The following C8orf34 variants were observed in gnomAD, a reference collection of about 807,000 sequenced individuals.
The protein encoded by C8orf34 is chromosome 8 open reading frame 34.
A neutral mutation model predicts 68.3 loss-of-function variants in C8orf34; 65 were observed. The ratio of observed to expected loss-of-function variants is 0.95; its 90% CI spans 0.78 to 1.17. The LOEUF (loss-of-function observed/expected upper bound fraction) is 1.17, where lower values mean the gene tolerates loss of function less well. C8orf34 is among the 50% of genes most tolerant of loss of function. The pLI, the probability that C8orf34 is intolerant of heterozygous loss-of-function variation, is 0.00. For synonymous variants in C8orf34, 244 were observed against 241.2 expected (o/e 1.01, Z -0.11); for missense variants, 664 against 655.4 (o/e 1.01, Z -0.14).
At chr8:68,776,082 G>A (rs544959264) in intron 10 of C8orf34, among the ~76,000 whole-genome samples, 2 of 152,278 alleles carry the variant, frequency 1.3e-5, no homozygotes, top group South Asian at 2.1e-4. Context: ...GGGTTGATGG[G>A]TGCAGCAAAC....
intron 3 of C8orf34, among the ~76,000 whole-genome samples, chr8:68,460,108 A>G (rs35082708): frequency 0.64 from 96,845 of 151,986 alleles, 30,928 homozygotes; most frequent in East Asian, 0.68. Context: ...TTTTCCGACA[A>G]GCTTAAAAAA....
intron 2 of C8orf34, among the ~76,000 whole-genome samples, chr8:68,443,035 A>AAC (rs1310392253): frequency 6.6e-6 from 1 of 152,210 alleles, no homozygotes; most frequent in Non-Finnish European, 1.5e-5. Context: ...TCATAGAAGC[A>AAC]ACACTGAACC....
chr8:68,392,859 C>A (rs990528507), intron 1 of C8orf34, among the ~76,000 whole-genome samples: 1 of 152,008 alleles, frequency 6.6e-6, no homozygotes, highest in Non-Finnish European at 1.5e-5. Context: ...GTAATAAAGG[C>A]TATGTTTTGG....
chr8:68,796,822 CTTTTTTTTTTTTTT>C (rs372049123), intron 12 of C8orf34, among the ~76,000 whole-genome samples: 1 of 122,876 alleles, frequency 8.1e-6, no homozygotes, highest in Admixed American at 8.4e-5. Flanking sequence ...TTGAGTTCTT[CTTTTTTTTTTTTTT>C]TTTTTTTTGA....
At chr8:68,768,247 G>A (rs1203837313) in intron 10 of C8orf34, among the ~76,000 whole-genome samples, 1 of 152,142 alleles carries the variant, frequency 6.6e-6, no homozygotes, top group African/African-American at 2.4e-5. Context: ...TTGCTATTGG[G>A]TGGTACAGGA....
intron 10 of C8orf34, among the ~76,000 whole-genome samples, chr8:68,726,617 A>G (rs140853693): frequency 7.8e-4 from 118 of 152,246 alleles, no homozygotes; most frequent in African/African-American, 2.6e-3. Context: ...TGCTGCTGAT[A>G]AAAACATATC....
chr8:68,560,829 T>G (rs1816401168), intron 7 of C8orf34, among the ~76,000 whole-genome samples: 1 of 152,126 alleles, frequency 6.6e-6, no homozygotes, highest in Non-Finnish European at 1.5e-5. Context: ...CGTGAAGGCC[T>G]AGGACATCAC....
At chr8:68,715,096 C>T (rs1024763592) in intron 9 of C8orf34, among the ~76,000 whole-genome samples, 28 of 152,088 alleles carry the variant, frequency 1.8e-4, no homozygotes, top group Non-Finnish European at 4.1e-4. Context: ...AAACTGGATC[C>T]TCATCTCTCA....
chr8:68,448,841 A>G (rs1227892787), intron 3 of C8orf34, among the ~76,000 whole-genome samples: 2 of 152,068 alleles, frequency 1.3e-5, no homozygotes, highest in Non-Finnish European at 2.9e-5. Context: ...AACAAAAAGA[A>G]GCCTATATGG....
chr8:68,793,578 A>G (rs1328167375), intron 12 of C8orf34, among the ~76,000 whole-genome samples: 2 of 152,154 alleles, frequency 1.3e-5, no homozygotes, highest in Admixed American at 6.5e-5. Flanking sequence ...AAAACCAAAC[A>G]CCAAGTGTTC....
In C8orf34 at chr8:68,713,990, T is replaced by C. The variant is rs142616123; in HGVS notation, c.1327+4911T>C. ...AGGGATGCAGGGATGGTTTAACATA[T>C]GCAAGTCAATAAATATAGCATACCA... is the stretch of plus-strand genomic sequence containing the variant. On this transcript the variant is annotated intron_variant, in intron 9 of 13. Coordinates refer to ENST00000518698, the MANE Select transcript of C8orf34 (RefSeq NM_052958.4). Among the ~76,000 whole-genome samples, 17 of 152,186 alleles carry C rather than the reference T, an allele frequency of 1.1e-4. No homozygotes were observed. In the East Asian group the frequency reaches 2.5e-3, roughly 23 times the overall value.
At chr8:68,373,293 C>A (rs1280623436) in intron 1 of C8orf34, among the ~76,000 whole-genome samples, 1 of 152,174 alleles carries the variant, frequency 6.6e-6, no homozygotes, top group East Asian at 1.9e-4. Context: ...TTGCTCCTGG[C>A]CAGAAATGGT....
At chr8:68,580,929 C>T (rs1051489817) in intron 7 of C8orf34, among the ~76,000 whole-genome samples, 1 of 152,040 alleles carries the variant, frequency 6.6e-6, no homozygotes, top group African/African-American at 2.4e-5. Flanking sequence ...TGGTAGATTA[C>T]TCAAGGTTCA....
At chr8:68,670,853 C>A (rs1402868903) in intron 8 of C8orf34, among the ~76,000 whole-genome samples, 1 of 152,160 alleles carries the variant, frequency 6.6e-6, no homozygotes, top group Non-Finnish European at 1.5e-5. Context: ...TTTCACCCTG[C>A]CCCTAAGGCA....
At chr8:68,707,315 C>T (rs1346004995) in intron 8 of C8orf34, among the ~76,000 whole-genome samples, 2 of 152,164 alleles carry the variant, frequency 1.3e-5, no homozygotes, top group East Asian at 1.9e-4. Flanking sequence ...GACGAGCCAG[C>T]TGCAAGGCCA....
intron 10 of C8orf34, among the ~76,000 whole-genome samples, chr8:68,764,419 T>C (rs148338794): frequency 6.8e-4 from 104 of 152,274 alleles, no homozygotes; most frequent in Non-Finnish European, 1.2e-3. Flanking sequence ...GTCAACAATG[T>C]AGGAGAGAGC....
chr8:68,704,593 G>C (rs1821111778), intron 8 of C8orf34, among the ~76,000 whole-genome samples: 1 of 151,966 alleles, frequency 6.6e-6, no homozygotes. Flanking sequence ...TGTGAGTCAA[G>C]GATTATTTTG....
chr8:68,343,016 T>C (rs1037112770), intron 1 of C8orf34, among the ~76,000 whole-genome samples: 12 of 152,178 alleles, frequency 7.9e-5, no homozygotes, highest in African/African-American at 2.7e-4. Context: ...TGGTACTGTA[T>C]ATAGTTTCAG....
intron 8 of C8orf34, among the ~76,000 whole-genome samples, chr8:68,643,008 G>A (rs564869684): frequency 2.6e-5 from 4 of 152,242 alleles, no homozygotes; most frequent in African/African-American, 9.6e-5. Flanking sequence ...CTTGCCTGCC[G>A]CTAACCTCCT....
Sources: gnomAD v4.1 joint callset for allele counts (sites outside exome capture counted in the v4.1 genomes callset) on GRCh38, gnomAD v4.1.1 for gene constraint, MANE v1.5 for transcripts, NCBI Gene and HGNC (gene_info 2026-07-23, HGNC 2026-07-21) for gene names.